The following TMEM132D variants were observed in gnomAD, a reference collection of about 807,000 sequenced individuals.
TMEM132D encodes the protein transmembrane protein 132D.
A neutral mutation model predicts 62.3 loss-of-function variants in TMEM132D; 21 were observed. The ratio of observed to expected loss-of-function variants is 0.34; its 90% CI spans 0.24 to 0.49. TMEM132D has a LOEUF of 0.49. TMEM132D is among the 20% of genes least tolerant of loss of function. The probability of loss-of-function intolerance (pLI) is 0.99; values close to 1 mark genes in which losing one functional copy is unlikely to be tolerated. For missense variants in TMEM132D, 1,346 were observed against 1,402.8 expected (o/e 0.96, Z 0.65); for synonymous variants, 621 against 575.6 (o/e 1.08, Z -1.13).
chr12:129,258,876 G>A (rs756196720), intron 4 of TMEM132D, among the ~76,000 whole-genome samples: 5 of 152,170 alleles, frequency 3.3e-5, no homozygotes, highest in East Asian at 1.9e-4. Flanking sequence ...AAAGGTGGGC[G>A]ATGTGTGCCT....
chr12:129,659,678 G>A (rs1025053443), intron 2 of TMEM132D, among the ~76,000 whole-genome samples: 7 of 151,786 alleles, frequency 4.6e-5, no homozygotes, highest in Non-Finnish European at 8.8e-5. Context: ...TATCCTTTCT[G>A]TAGAATATTT....
chr12:129,408,343 A>C (rs1390202177), intron 3 of TMEM132D, among the ~76,000 whole-genome samples: 1 of 152,118 alleles, frequency 6.6e-6, no homozygotes, highest in Non-Finnish European at 1.5e-5. Flanking sequence ...GAATTTTTTA[A>C]AATTATAGTA....
rs559515244 is a variant in TMEM132D at position 129,163,747 on chromosome 12, G to A, written c.1443+45773C>T. On this transcript the variant is annotated intron_variant, in intron 5 of 8. Coordinates refer to ENST00000422113, the MANE Select transcript of TMEM132D (RefSeq NM_133448.3). Reference sequence around the variant, plus strand: ...GAATCCCTGGGTGCTTCCCCATCCCGGCATATCCTCTGAAAATGCCCCTTC... The same window carrying A: ...GAATCCCTGGGTGCTTCCCCATCCCAGCATATCCTCTGAAAATGCCCCTTC... 3.3e-5 allele frequency among the ~76,000 whole-genome samples: 5 copies of A among 152,302 alleles called. No individual in the cohort carries two copies. In the East Asian group the frequency reaches 7.7e-4, roughly 23 times the overall value.
At chr12:129,818,806 G>A (rs61942090) in intron 1 of TMEM132D, among the ~76,000 whole-genome samples, 95,717 of 151,270 alleles carry the variant, frequency 0.63, 30,682 homozygotes, top group Middle Eastern at 0.71. Flanking sequence ...AGGCCAAGGT[G>A]GATGGATCAC....
At chr12:129,243,921 A>G (rs1880002180) in intron 4 of TMEM132D, among the ~76,000 whole-genome samples, 1 of 151,976 alleles carries the variant, frequency 6.6e-6, no homozygotes, top group South Asian at 2.1e-4. Flanking sequence ...ATTTTCATTG[A>G]TTTTATTTTC....
Position 129,576,165 on chromosome 12 carries a change from C to G in TMEM132D, c.969-44960G>C, listed in dbSNP as rs116197776. ...CGTCTTTGCATGCAAGCTCCGCTTT[C>G]TCTTTGCATACCCTCTACCTACACT... On this transcript the variant is annotated intron_variant, in intron 2 of 8. Coordinates refer to ENST00000422113, the MANE Select transcript of TMEM132D (RefSeq NM_133448.3). Among the ~76,000 whole-genome samples, 112 of 152,042 alleles carry G rather than the reference C, an allele frequency of 7.4e-4. 1 individual carries two copies. Among genetic ancestry groups the G allele is most frequent in the African/African-American group, 2.6e-3 (108 of 41,296 alleles).
chr12:129,479,138 T>C (rs945999558), intron 3 of TMEM132D, among the ~76,000 whole-genome samples: 3 of 152,194 alleles, frequency 2.0e-5, no homozygotes, highest in Admixed American at 1.3e-4. Context: ...CTAAATCATT[T>C]TGAGCCCAAC....
intron 2 of TMEM132D, among the ~76,000 whole-genome samples, chr12:129,690,339 A>G (rs1343151971): frequency 1.3e-5 from 2 of 152,200 alleles, no homozygotes; most frequent in Non-Finnish European, 2.9e-5. Context: ...AACATGATCA[A>G]TATTAATCTA....
intron 3 of TMEM132D, among the ~76,000 whole-genome samples, chr12:129,399,501 T>G (rs1871549227): frequency 1.2e-5 from 1 of 83,494 alleles, no homozygotes; most frequent in Non-Finnish European, 2.4e-5. Flanking sequence ...GGCAGAGCCC[T>G]CATGATCTTC....
intron 2 of TMEM132D, among the ~76,000 whole-genome samples, chr12:129,554,101 CTGTGTGA>C (rs993483271): frequency 1.6e-4 from 25 of 152,284 alleles, no homozygotes; most frequent in African/African-American, 6.0e-4. Flanking sequence ...ATACTCCCCC[CTGTGTGA>C]TTATGTCCCT....
intron 1 of TMEM132D, among the ~76,000 whole-genome samples, chr12:129,841,213 G>T (rs1045188174): frequency 6.6e-6 from 1 of 151,810 alleles, no homozygotes; most frequent in Non-Finnish European, 1.5e-5. Context: ...AGTTTTCAGC[G>T]TGCTCTCTAC....
intron 1 of TMEM132D, among the ~76,000 whole-genome samples, chr12:129,739,713 A>G (rs773117673): frequency 5.3e-5 from 8 of 152,152 alleles, no homozygotes; most frequent in Non-Finnish European, 7.3e-5. Context: ...GACTGCACCA[A>G]CTGGGCTTCC....
At chr12:129,086,672 A>G (rs917138268) in intron 5 of TMEM132D, among the ~76,000 whole-genome samples, 1 of 141,166 alleles carries the variant, frequency 7.1e-6, no homozygotes. Flanking sequence ...AACATATAAT[A>G]TATAATACAA....
intron 2 of TMEM132D, among the ~76,000 whole-genome samples, chr12:129,574,786 C>T (rs1055740993): frequency 2.0e-5 from 3 of 151,716 alleles, no homozygotes; most frequent in Non-Finnish European, 2.9e-5. Context: ...AGGTTTGCTG[C>T]GCCCCTCAGT....
At chr12:129,530,916 A>C in intron 3 of TMEM132D, 143 bp downstream of exon 3, 3 of 831,772 alleles carry the variant, frequency 3.6e-6, no homozygotes, top group Non-Finnish European at 5.4e-6. Flanking sequence ...CCATTCATCT[A>C]CCTGGAGGCC....
At chr12:129,748,380 T>C (rs564761098) in intron 1 of TMEM132D, among the ~76,000 whole-genome samples, 10 of 152,144 alleles carry the variant, frequency 6.6e-5, no homozygotes, top group South Asian at 2.1e-4. Flanking sequence ...AGGTTTTTCA[T>C]TGTGGTGGTA....
At chr12:129,769,532 G>C (rs73160209) in intron 1 of TMEM132D, among the ~76,000 whole-genome samples, 1 of 152,122 alleles carries the variant, frequency 6.6e-6, no homozygotes, top group Non-Finnish European at 1.5e-5. Flanking sequence ...CAGCCAAACC[G>C]TATCAGTCCC....
At chr12:129,258,008 G>A (rs1880453315) in intron 4 of TMEM132D, among the ~76,000 whole-genome samples, 1 of 152,114 alleles carries the variant, frequency 6.6e-6, no homozygotes, top group African/African-American at 2.4e-5. Flanking sequence ...TCTATCTCTT[G>A]CAACTAAACT....
In TMEM132D at chr12:129,333,016, T is replaced by C. The variant is rs545902586; in HGVS notation, c.1299+4618A>G. On this transcript the variant is annotated intron_variant, in intron 4 of 8. Transcript: ENST00000422113. ...TTAAGATGGTAGCTTTAATGTTATA[T>C]GACTTCTACCATAATAAAAAAAGAT... 1.8e-4 allele frequency among the ~76,000 whole-genome samples: 28 copies of C among 152,288 alleles called. 1 individual carries two copies. The highest frequency in any genetic ancestry group is 1.1e-3 in the Admixed American group (17 of 15,300).
Sources: gnomAD v4.1 joint callset for allele counts (sites outside exome capture counted in the v4.1 genomes callset) on GRCh38, gnomAD v4.1.1 for gene constraint, MANE v1.5 for transcripts, NCBI Gene and HGNC (gene_info 2026-07-23, HGNC 2026-07-21) for gene names.